Variants in LPP observed in about 807,000 individuals in gnomAD.
LPP encodes lipoma-preferred partner.
A neutral mutation model predicts 60.4 loss-of-function variants in LPP; 38 were observed. The ratio of observed to expected loss-of-function variants is 0.63; its 90% confidence interval spans 0.49 to 0.83. LPP has a LOEUF of 0.83. Among genes scored for constraint, LPP ranks in the 40% least tolerant of loss-of-function variants. LPP has a pLI of 0.00. For missense variants in LPP, 902 were observed against 783.6 expected, an observed-to-expected ratio of 1.15 and a Z score of -1.80; for synonymous variants, 328 against 290.8, an observed-to-expected ratio of 1.13 and a Z score of -1.30.
intron 9 of LPP, among the ~76,000 whole-genome samples, chr3:188,808,266 G>T (rs1577688990): frequency 6.6e-6 from 1 of 151,954 alleles, no homozygotes; most frequent in East Asian, 1.9e-4. Context: ...CCCAAATTTT[G>T]CACTGTTGGT....
intron 3 of LPP, among the ~76,000 whole-genome samples, chr3:188,374,616 T>C (rs1011910351): frequency 6.6e-6 from 1 of 152,194 alleles, no homozygotes; most frequent in African/African-American, 2.4e-5. Flanking sequence ...GCTGAGATGA[T>C]GGGGTTTTCT....
chr3:188,217,496 C>T lies in LPP; in HGVS notation c.-189-7909C>T, dbSNP rs1236603673. On this transcript the variant is annotated intron_variant, in intron 1 of 11. Transcript: ENST00000617246. The surrounding 1 kb of genome is among the most constrained non-coding windows in gnomAD (Gnocchi z 4.0). ...ATCTTTCCAGCTGCTGTGGAGGGAA[C>T]CTGATAGTAAAAGGGAGTCAAGGGT... Among the ~76,000 whole-genome samples the T allele has an allele frequency of 6.6e-6, 1 of 151,970 alleles. No individual in the cohort carries two copies.
In LPP at chr3:188,836,062, A is replaced by C. The variant is rs531233568; in HGVS notation, c.1411-30138A>C. Among the ~76,000 whole-genome samples, 9 of 152,284 alleles carry C rather than the reference A, an allele frequency of 5.9e-5. 1 individual carries two copies. In the East Asian group the frequency reaches 1.2e-3, roughly 20 times the overall value. On this transcript the variant is annotated intron_variant, in intron 9 of 11. Coordinates refer to ENST00000617246, the MANE Select transcript of LPP (RefSeq NM_001375462.1). ...TTGCCTTTTATTTCAGATAAATTTT[A>C]TATGTTGTTTCTGTCCAGAATTGTA...
chr3:188,304,689 G>A (rs745887487), intron 2 of LPP, among the ~76,000 whole-genome samples: 4 of 152,136 alleles, frequency 2.6e-5, no homozygotes, highest in Non-Finnish European at 5.9e-5. Flanking sequence ...GCAAATAATT[G>A]TAGACTTGAA....
At chr3:188,834,540 TCAC>T (rs1477166461) in intron 9 of LPP, among the ~76,000 whole-genome samples, 2 of 152,046 alleles carry the variant, frequency 1.3e-5, no homozygotes, top group East Asian at 1.9e-4. Flanking sequence ...TTGATCCTCT[TCAC>T]CAACTAACCA....
intron 9 of LPP, among the ~76,000 whole-genome samples, chr3:188,862,698 G>T (rs1765460817): frequency 8.1e-6 from 1 of 123,516 alleles, no homozygotes; most frequent in Non-Finnish European, 1.6e-5. Flanking sequence ...ATCAATGCTG[G>T]CAACCCTACT....
intron 3 of LPP, among the ~76,000 whole-genome samples, chr3:188,354,826 C>CACACAG (rs1553873438): frequency 4.1e-5 from 2 of 48,252 alleles, no homozygotes; most frequent in South Asian, 1.4e-3. Flanking sequence ...TGCGCGCACA[C>CACACAG]ACACACACAG....
In LPP at chr3:188,534,609, A is replaced by C. The variant is rs546001080; in HGVS notation, c.429+9822A>C. Among the ~76,000 whole-genome samples the C allele has an allele frequency of 5.3e-5, 8 of 152,324 alleles. 1 individual carries two copies. The South Asian group carries it at 1.7e-3, about 32-fold the overall frequency. ...TAAACAAGAAAACACAAGTCTAGCTATGTTTTTTAACTCAAGATGACTAGA... is the reference window on the plus strand; with the variant it reads ...TAAACAAGAAAACACAAGTCTAGCTCTGTTTTTTAACTCAAGATGACTAGA... On this transcript the variant is annotated intron_variant, in intron 6 of 11. Coordinates refer to ENST00000617246, the MANE Select transcript of LPP (RefSeq NM_001375462.1).
chr3:188,507,065 G>A (rs1455625129), intron 5 of LPP, among the ~76,000 whole-genome samples: 1 of 144,756 alleles, frequency 6.9e-6, no homozygotes, highest in Non-Finnish European at 1.5e-5. Context: ...CCAAAGTGCT[G>A]GGATTACAGG....
chr3:188,312,460 A>G (rs953599256), intron 2 of LPP, among the ~76,000 whole-genome samples: 14 of 152,200 alleles, frequency 9.2e-5, no homozygotes, highest in African/African-American at 3.4e-4. Context: ...TAAAATAAAA[A>G]GTTTTATATA....
chr3:188,233,210 T>G (rs1203024444), intron 2 of LPP, among the ~76,000 whole-genome samples: 1 of 152,220 alleles, frequency 6.6e-6, no homozygotes, highest in African/African-American at 2.4e-5. Flanking sequence ...TGTTTTCTGA[T>G]ACCTGGAAAT....
intron 5 of LPP, among the ~76,000 whole-genome samples, chr3:188,500,349 A>G (rs1379443895): frequency 1.3e-5 from 2 of 152,102 alleles, no homozygotes; most frequent in Non-Finnish European, 2.9e-5. Context: ...AATTGAGAAG[A>G]TAACTTTTTT....
At chr3:188,545,416 T>C (rs1274242227) in intron 6 of LPP, among the ~76,000 whole-genome samples, 1 of 152,048 alleles carries the variant, frequency 6.6e-6, no homozygotes, top group Non-Finnish European at 1.5e-5. Flanking sequence ...ATAAATACAA[T>C]TTTATCTCCA....
intron 2 of LPP, among the ~76,000 whole-genome samples, chr3:188,287,409 A>C (rs1744312569): frequency 6.6e-6 from 1 of 152,176 alleles, no homozygotes; most frequent in African/African-American, 2.4e-5. Context: ...ACATCGAGGA[A>C]ATGGCAAAAT....
At chr3:188,472,414 C>A (rs1238962922) in intron 4 of LPP, among the ~76,000 whole-genome samples, 1 of 152,052 alleles carries the variant, frequency 6.6e-6, no homozygotes, top group Non-Finnish European at 1.5e-5. Flanking sequence ...CAAAAAACAA[C>A]CACCTTGAAA....
At chr3:188,241,722 A>G (rs1311313851) in intron 2 of LPP, among the ~76,000 whole-genome samples, 3 of 147,180 alleles carry the variant, frequency 2.0e-5, no homozygotes, top group Non-Finnish European at 4.4e-5. Context: ...GAATCTTCAG[A>G]GAGTCGTTGA....
In LPP at chr3:188,524,726, C is replaced by T. The variant is rs1560518062; in HGVS notation, c.368C>T (p.Ser123Phe). 1 of 1,614,038 alleles carries T rather than the reference C, an allele frequency of 6.2e-7. No individual in the cohort carries two copies. Among genetic ancestry groups the T allele is most frequent in the Non-Finnish European group, 8.5e-7 (1 of 1,180,024 alleles). Residue 123 changes from serine (S) to phenylalanine (F), a missense_variant, in exon 6 of 12, where the codon TCC (serine) becomes TTC (phenylalanine). Ser to Phe is a radical substitution (Grantham distance 155). Transcript: ENST00000617246. Reference sequence around the variant, plus strand: ...TCCAGCCTGGACGCTGAGATTGACTCCTTGACCAGCATCTTGGCTGACCTT... The same window carrying T: ...TCCAGCCTGGACGCTGAGATTGACTTCTTGACCAGCATCTTGGCTGACCTT... ...RRSSLDAEID[S>F]LTSILADLEC...
intron 4 of LPP, among the ~76,000 whole-genome samples, chr3:188,427,730 T>C (rs1265820592): frequency 1.3e-5 from 2 of 152,156 alleles, no homozygotes; most frequent in Middle Eastern, 3.2e-3. Flanking sequence ...AACCACCTAC[T>C]GAAGCCTCAG....
chr3:188,239,703 G>T (rs1182412791), intron 2 of LPP, among the ~76,000 whole-genome samples: 2 of 152,174 alleles, frequency 1.3e-5, no homozygotes, highest in Admixed American at 1.3e-4. Context: ...GGTGGTGTCT[G>T]TGACTTCCTT....
Sources: gnomAD v4.1 joint callset for allele counts (sites outside exome capture counted in the v4.1 genomes callset) on GRCh38, gnomAD v4.1.1 for gene constraint, Gnocchi (gnomAD v3.1) non-coding constraint, MANE v1.5 for transcripts, NCBI Gene and HGNC (gene_info 2026-07-23, HGNC 2026-07-21) for gene names.